MMP26: variants seen among roughly 807,000 people sequenced by gnomAD.
The protein encoded by MMP26 is matrix metallopeptidase 26, also known as matrix metalloproteinase-26.
In MMP26, 33 loss-of-function variants were observed where a neutral mutation model predicts 31.0. The observed-to-expected ratio is 1.06, with a 90% confidence interval of 0.81 to 1.42. The LOEUF (loss-of-function observed/expected upper bound fraction) is 1.42, where lower values mean the gene tolerates loss of function less well. Among genes scored for constraint, MMP26 ranks in the 40% most tolerant of loss-of-function variants. The pLI is 0.00. For missense variants in MMP26, 347 were observed against 316.1 expected, an observed-to-expected ratio of 1.10 and a Z score of -0.74; for synonymous variants, 122 against 114.9, an observed-to-expected ratio of 1.06 and a Z score of -0.40.
At chr11:4,834,988 T>G (rs550660387) in intron 2 of MMP26, among the ~76,000 whole-genome samples, 90 of 152,230 alleles carry the variant, frequency 5.9e-4, no homozygotes, top group African/African-American at 2.1e-3. Flanking sequence ...TAGACCTATA[T>G]TCCCCCATGG....
chr11:4,991,633 T>A (rs540334123), intron 6 of MMP26, 137 bp downstream of exon 6: 46 of 1,059,710 alleles, frequency 4.3e-5, no homozygotes, highest in Non-Finnish European at 5.3e-5. Flanking sequence ...TCTTTATAAG[T>A]GAGGAGATGT....
chr11:4,770,412 A>G (rs1416866622), intron 2 of MMP26, among the ~76,000 whole-genome samples: 4 of 152,246 alleles, frequency 2.6e-5, no homozygotes, highest in African/African-American at 9.6e-5. Context: ...ATGTATATTT[A>G]TCATTTTCAT....
chr11:4,925,467 A>G (rs1851256886), intron 2 of MMP26, among the ~76,000 whole-genome samples: 1 of 152,158 alleles, frequency 6.6e-6, no homozygotes, highest in South Asian at 2.1e-4. Flanking sequence ...GACCGAGTCC[A>G]GTTTGGATAT....
intron 1 of MMP26, among the ~76,000 whole-genome samples, chr11:4,737,496 A>G (rs754876649): frequency 6.6e-6 from 1 of 152,188 alleles, no homozygotes; most frequent in Admixed American, 6.5e-5. Flanking sequence ...ATACAAAATT[A>G]GCCTGGCGTG....
intron 2 of MMP26, chr11:4,821,667 T>C (rs1849502751): frequency 6.2e-7 from 1 of 1,614,076 alleles, no homozygotes; most frequent in African/African-American, 1.3e-5. Flanking sequence ...CACTTTCTAC[T>C]ACCCTTGGTG....
chr11:4,976,891 T>C (rs1564818047), intron 2 of MMP26, among the ~76,000 whole-genome samples: 1 of 152,068 alleles, frequency 6.6e-6, no homozygotes, highest in Non-Finnish European at 1.5e-5. Flanking sequence ...CAATTTATTT[T>C]CCTAAGTCAT....
rs575682370 is a variant in MMP26, at chr11:4,796,092, T to C, written c.-145+28751T>C. ...CCTTAGTTAAAGCACAGGTGGGAGA[T>C]GGCTATGTCACGTAACCTACAGCTG... On this transcript the variant is annotated intron_variant, in intron 2 of 7. Coordinates refer to ENST00000380390, the MANE Select transcript of MMP26 (RefSeq NM_021801.5). 3.9e-5 allele frequency among the ~76,000 whole-genome samples: 6 copies of C among 152,274 alleles called. No homozygotes were observed. The East Asian group carries it at 7.7e-4, about 20-fold the overall frequency.
intron 2 of MMP26, chr11:4,804,318 T>C (rs1849233349): frequency 1.2e-6 from 2 of 1,613,974 alleles, no homozygotes; most frequent in Admixed American, 3.3e-5. Flanking sequence ...TCTCCAGGCC[T>C]GGGATTCCAA....
chr11:4,974,447 T>C (rs1589822375), intron 2 of MMP26, among the ~76,000 whole-genome samples: 1 of 152,090 alleles, frequency 6.6e-6, no homozygotes, highest in African/African-American at 2.4e-5. Flanking sequence ...TTTATATCTC[T>C]CAAAAATACG....
At chr11:4,815,123 A>C (rs1849403667) in intron 2 of MMP26, among the ~76,000 whole-genome samples, 1 of 152,224 alleles carries the variant, frequency 6.6e-6, no homozygotes, top group Non-Finnish European at 1.5e-5. Flanking sequence ...TCAACCTTTC[A>C]CTAAATACAC....
At chr11:4,986,561 C>A (rs1846892576) in intron 2 of MMP26, among the ~76,000 whole-genome samples, 1 of 106,850 alleles carries the variant, frequency 9.4e-6, no homozygotes, top group African/African-American at 3.6e-5. Flanking sequence ...GACAGAATCT[C>A]ACTCTGTTTC....
rs370796952 is a variant in MMP26 at position 4,722,114 on chromosome 11, C to A, written c.-217+17069C>A. 7.4e-4 allele frequency among the ~76,000 whole-genome samples: 112 copies of A among 152,326 alleles called. 1 individual carries two copies. The highest frequency in any genetic ancestry group is 3.1e-3 in the Admixed American group (47 of 15,306). ...CCCAGAAGCAGAAGTCGCTATACTT[C>A]TTGCATAGCCTGCAAAACTGTGAGC... On this transcript the variant is annotated intron_variant, in intron 1 of 7. Coordinates refer to ENST00000380390, the MANE Select transcript of MMP26 (RefSeq NM_021801.5).
chr11:4,731,478 C>T lies in MMP26; in HGVS notation c.-217+26433C>T, dbSNP rs142356579. Among the ~76,000 whole-genome samples, 528 of 152,284 alleles carry T rather than the reference C, an allele frequency of 3.5e-3. 1 individual carries two copies. The highest frequency in any genetic ancestry group is 4.7e-3 in the Non-Finnish European group (321 of 68,020). On this transcript the variant is annotated intron_variant, in intron 1 of 7. Transcript: ENST00000380390. ...TAAGTATCCACTGGCATAAGGACTACGGCTAGCTAGGACATCTGGCACTGA... is the reference window on the plus strand; with the variant it reads ...TAAGTATCCACTGGCATAAGGACTATGGCTAGCTAGGACATCTGGCACTGA...
chr11:4,945,105 A>G (rs1846273724), intron 2 of MMP26: 2 of 152,158 alleles, frequency 1.3e-5, no homozygotes, highest in Admixed American at 6.5e-5. Flanking sequence ...AATATTAAGT[A>G]TAATAAAGAA....
At chr11:4,707,212 G>A (rs940328522) in intron 1 of MMP26, among the ~76,000 whole-genome samples, 4 of 152,060 alleles carry the variant, frequency 2.6e-5, no homozygotes, top group African/African-American at 7.2e-5. Flanking sequence ...TTTATAATAA[G>A]TATTTTCATA....
chr11:4,904,351 G>C (rs1850850327), intron 2 of MMP26, among the ~76,000 whole-genome samples: 1 of 152,068 alleles, frequency 6.6e-6, no homozygotes, highest in Non-Finnish European at 1.5e-5. Flanking sequence ...TTGCCTTAAA[G>C]AATAGCAATT....
At chr11:4,936,135 T>G (rs989569935) in intron 2 of MMP26, among the ~76,000 whole-genome samples, 2 of 149,014 alleles carry the variant, frequency 1.3e-5, no homozygotes, top group East Asian at 3.9e-4. Context: ...TTGATTGGAA[T>G]AGTTTCAGAA....
intron 2 of MMP26, among the ~76,000 whole-genome samples, chr11:4,940,239 G>C (rs1019179359): frequency 3.0e-4 from 45 of 152,072 alleles, no homozygotes; most frequent in African/African-American, 1.1e-3. Flanking sequence ...TGATAATACA[G>C]ATATACATCC....
chr11:4,782,641 C>T (rs999491799), intron 2 of MMP26, among the ~76,000 whole-genome samples: 6 of 152,054 alleles, frequency 3.9e-5, no homozygotes, highest in East Asian at 3.9e-4. Context: ...CCCAAGACAA[C>T]GGGGAAAATG....
Sources: gnomAD v4.1 joint callset for allele counts (sites outside exome capture counted in the v4.1 genomes callset) on GRCh38, gnomAD v4.1.1 for gene constraint, MANE v1.5 for transcripts, NCBI Gene and HGNC (gene_info 2026-07-23, HGNC 2026-07-21) for gene names.